NQO2: variants seen among roughly 807,000 people sequenced by gnomAD.
NQO2 encodes N-ribosyldihydronicotinamide:quinone dehydrogenase 2.
NQO2 carries 18 observed loss-of-function variants against 22.0 expected under a neutral mutation model. The ratio of observed to expected loss-of-function variants is 0.82; its 90% CI spans 0.56 to 1.21. The LOEUF (loss-of-function observed/expected upper bound fraction) is 1.21. NQO2 is among the 50% of genes most tolerant of loss of function. The probability of loss-of-function intolerance (pLI) is 0.00; values close to 1 mark genes in which losing one functional copy is unlikely to be tolerated. For synonymous variants in NQO2, 106 were observed against 110.8 expected (o/e 0.96, Z 0.28); for missense variants, 267 against 286.9 (o/e 0.93, Z 0.50).
At chr6:3,012,718 T>C (rs1381725009) in intron 4 of NQO2, 44 bp downstream of exon 4, 5 of 1,579,474 alleles carry the variant, frequency 3.2e-6, no homozygotes, top group South Asian at 2.3e-5. Context: ...ATTCATCTTA[T>C]GTACAAACTC....
chr6:3,016,430 C>CAAAAAAAAAAAAAAAA (rs36118697), intron 5 of NQO2, among the ~76,000 whole-genome samples: 22 of 85,694 alleles, frequency 2.6e-4, no homozygotes, highest in African/African-American at 1.0e-3. Context: ...GACTCTGTCT[C>CAAAAAAAAAAAAAAAA]AAAAAAAAAA....
At chr6:3,015,500 T>C (rs1354705033) in intron 4 of NQO2, 30 bp from the exon 5 acceptor site, 6 of 1,607,914 alleles carry the variant, frequency 3.7e-6, no homozygotes, top group Non-Finnish European at 5.1e-6. Flanking sequence ...AGCCGCAGCC[T>C]CAGTTTCTCT....
intron 2 of NQO2, among the ~76,000 whole-genome samples, chr6:3,007,598 C>T (rs1163706813): frequency 1.3e-5 from 2 of 152,230 alleles, no homozygotes; most frequent in Admixed American, 1.3e-4. Context: ...AATCACCAGG[C>T]TGCCTCCCAG....
At chr6:3,009,368 C>T (rs1051525495) in intron 2 of NQO2, among the ~76,000 whole-genome samples, 18 of 152,176 alleles carry the variant, frequency 1.2e-4, no homozygotes, top group Admixed American at 1.2e-3. Flanking sequence ...TTATCCTGTT[C>T]TTTTTTCAAG....
In NQO2 at chr6:3,006,778, T is replaced by G. The variant is rs1444511300; in HGVS notation, c.7+219T>G. On this transcript the variant is annotated intron_variant, in intron 2 of 6. Transcript: ENST00000380455. The surrounding 1 kb of genome is among the most constrained non-coding windows in gnomAD (Gnocchi z 4.0). Reference sequence around the variant, plus strand: ...ATCTGGAATTATCTTGTTTTCTATGTTCTCACTTGTTTCATTGTTCCTTTC... The same window carrying G: ...ATCTGGAATTATCTTGTTTTCTATGGTCTCACTTGTTTCATTGTTCCTTTC... 4.0e-6 allele frequency: 2 copies of G among 499,432 alleles called. No homozygotes were observed. The highest frequency in any genetic ancestry group is 4.0e-5 in the African/African-American group (2 of 50,138). 30.9% of individuals were successfully genotyped at this position (499,432 alleles called of 1,614,324 possible). A position where few individuals can be genotyped will look rare whatever the true frequency, so the allele number is the denominator to read the frequency against.
rs775284417 is a variant in NQO2 at position 3,019,558 on chromosome 6, A to G, written c.599A>G (p.Glu200Gly). 29 of 1,613,484 alleles carry G rather than the reference A, an allele frequency of 1.8e-5. No homozygotes were observed. Among genetic ancestry groups the G allele is most frequent in the East Asian group, 1.3e-4 (6 of 44,894 alleles). The change falls in exon 7 of 7, where the codon GAA becomes GGA. Residue 200 changes from glutamate to glycine, a missense_variant. Coordinates refer to ENST00000380455, the MANE Select transcript of NQO2 (RefSeq NM_000904.6). Reference protein sequence around the residue: ...SFAPEIASEEERKGMVAAWSQ... With the variant: ...SFAPEIASEEGRKGMVAAWSQ... ...GCTCCTGAAATTGCATCCGAAGAAGAAAGAAAGGGGATGGTGGCTGCGTGG... is the reference window on the plus strand; with the variant it reads ...GCTCCTGAAATTGCATCCGAAGAAGGAAGAAAGGGGATGGTGGCTGCGTGG...
At chr6:3,004,637 A>C in intron 1 of NQO2, 1 of 985,482 alleles carries the variant, frequency 1.0e-6, no homozygotes, top group East Asian at 1.1e-4. Flanking sequence ...GGCCCTGCTC[A>C]AGATTCCAGT....
At chr6:3,002,156 AGAAT>A (rs1395637734) in intron 1 of NQO2, 2 of 973,336 alleles carry the variant, frequency 2.1e-6, no homozygotes, top group East Asian at 2.3e-4. Flanking sequence ...GGGACACTGA[AGAAT>A]GGATGCCCTG....
rs765148956 is a variant in NQO2, at chr6:3,019,666, C to T, written c.*11C>T. 7.5e-6 allele frequency: 12 copies of T among 1,592,962 alleles called. No homozygotes were observed. In the South Asian group the frequency reaches 7.8e-5, roughly 10 times the overall value. On this transcript the variant is annotated 3_prime_UTR_variant, in exon 7 of 7. Transcript: ENST00000380455. ...CACTTCGGGCAATAACTCTGTGGCA[C>T]GTGGGCATCACGTAAGCAGCACACT...
intron 1 of NQO2, chr6:3,002,202 AAAC>A (rs1756755789): frequency 1.0e-6 from 1 of 985,338 alleles, no homozygotes; most frequent in African/African-American, 1.7e-5. Context: ...CATTTCATAC[AAAC>A]AACATGATTT....
intron 1 of NQO2, chr6:3,005,653 A>C (rs1756926413): frequency 1.0e-6 from 1 of 985,214 alleles, no homozygotes; most frequent in Non-Finnish European, 1.2e-6. Context: ...GGTTTGTTGG[A>C]GTCTCCTTGT....
chr6:3,017,226 T>C (rs1757361510), intron 6 of NQO2, among the ~76,000 whole-genome samples: 1 of 152,220 alleles, frequency 6.6e-6, no homozygotes, highest in Non-Finnish European at 1.5e-5. Flanking sequence ...GCTTGACCAA[T>C]AGGGAAAACA....
rs28383599 is a variant in NQO2 at position 3,002,293 on chromosome 6, C to A, written c.-86+2208C>A. 2.7e-3 allele frequency: 2,441 copies of A among 891,480 alleles called. 61 individuals carry two copies. In the African/African-American group the frequency reaches 0.041, roughly 15 times the overall value. The allele number at this position is 891,480 out of a possible 1,614,324, so 55.2% of individuals were successfully genotyped here. A position where few individuals can be genotyped will look rare whatever the true frequency, so the allele number is the denominator to read the frequency against. ...ACTGGCAACATTTACAAAGGTAAAT[C>A]ATTTCATATCACTCTATTTTCTTTT... On this transcript the variant is annotated intron_variant, in intron 1 of 6. Transcript: ENST00000380455.
intron 2 of NQO2, among the ~76,000 whole-genome samples, chr6:3,007,804 A>T (rs1279731221): frequency 6.6e-6 from 1 of 152,186 alleles, no homozygotes; most frequent in Admixed American, 6.5e-5. Flanking sequence ...CTGATTCCTC[A>T]TGTTTTGTTT....
At chr6:3,007,711 C>G (rs1409702856) in intron 2 of NQO2, among the ~76,000 whole-genome samples, 2 of 152,248 alleles carry the variant, frequency 1.3e-5, no homozygotes, top group African/African-American at 4.8e-5. Flanking sequence ...GGGCCTGACT[C>G]TTCCTAGAGT....
At chr6:3,016,436 A>G (rs1757331561) in intron 5 of NQO2, among the ~76,000 whole-genome samples, 1 of 151,586 alleles carries the variant, frequency 6.6e-6, no homozygotes, top group Non-Finnish European at 1.5e-5. Flanking sequence ...GTCTCAAAAA[A>G]AAAAAAAAAA....
At chr6:3,000,582 C>A (rs1373355901) in intron 1 of NQO2, among the ~76,000 whole-genome samples, 1 of 151,962 alleles carries the variant, frequency 6.6e-6, no homozygotes. Context: ...CACTCTGTCG[C>A]CCAGGCTGGA....
intron 1 of NQO2, among the ~76,000 whole-genome samples, chr6:3,000,731 C>T (rs938421602): frequency 1.3e-5 from 2 of 151,958 alleles, no homozygotes; most frequent in Non-Finnish European, 1.5e-5. Context: ...TTAGTAGAGA[C>T]GGGTTTCATG....
chr6:3,004,622 A>G (rs867960905), intron 1 of NQO2: 2 of 985,382 alleles, frequency 2.0e-6, no homozygotes, highest in Middle Eastern at 5.2e-4. Context: ...GAAGATGCTC[A>G]TTCAGGCCCT....
Sources: allele counts gnomAD v4.1 joint callset (sites outside exome capture counted in the v4.1 genomes callset), GRCh38; gene constraint gnomAD v4.1.1; non-coding constraint Gnocchi (gnomAD v3.1); transcripts MANE v1.5; gene names NCBI Gene and HGNC (gene_info 2026-07-23, HGNC 2026-07-21).